MGAT4C: variants seen among roughly 807,000 people sequenced by gnomAD.
MGAT4C encodes the protein alpha-1,3-mannosyl-glycoprotein 4-beta-N-acetylglucosaminyltransferase C.
Under a neutral mutation model 40.1 loss-of-function variants are expected in MGAT4C, and 19 were observed. The ratio of observed to expected loss-of-function variants is 0.47; its 90% CI spans 0.33 to 0.70. The LOEUF (loss-of-function observed/expected upper bound fraction) is 0.70. Ranked by LOEUF, MGAT4C falls within the 30% of genes least tolerant of loss-of-function variation. MGAT4C has a pLI of 0.02. For synonymous variants in MGAT4C, 181 were observed against 187.1 expected (o/e 0.97, Z 0.27); for missense variants, 491 against 563.2 (o/e 0.87, Z 1.30).
At chr12:86,532,426 A>C (rs1959000788) in intron 2 of MGAT4C, among the ~76,000 whole-genome samples, 1 of 152,060 alleles carries the variant, frequency 6.6e-6, no homozygotes, top group South Asian at 2.1e-4. Context: ...GGTTTTTCTT[A>C]ATATAGAATA....
intron 1 of MGAT4C, among the ~76,000 whole-genome samples, chr12:86,820,903 T>C (rs562841080): frequency 3.2e-4 from 48 of 150,986 alleles, no homozygotes; most frequent in African/African-American, 1.1e-3. Context: ...TCAAATGTAG[T>C]TCCACCCTAT....
At chr12:86,080,749 G>A (rs901705042) in intron 1 of MGAT4C, among the ~76,000 whole-genome samples, 1 of 151,868 alleles carries the variant, frequency 6.6e-6, no homozygotes, top group Non-Finnish European at 1.5e-5. Flanking sequence ...AAAAAAGGAG[G>A]GACTTATTAA....
intron 1 of MGAT4C, among the ~76,000 whole-genome samples, chr12:86,255,113 T>G (rs1196283020): frequency 6.6e-6 from 1 of 152,086 alleles, no homozygotes; most frequent in Non-Finnish European, 1.5e-5. Flanking sequence ...ACATCAACAC[T>G]TGATGAACAA....
intron 1 of MGAT4C, among the ~76,000 whole-genome samples, chr12:86,740,336 C>T (rs1265723043): frequency 1.3e-5 from 2 of 150,808 alleles, no homozygotes; most frequent in African/African-American, 2.4e-5. Context: ...TTTTATAATG[C>T]TTTTTGCTTT....
chr12:86,706,600 G>A (rs896703979), intron 2 of MGAT4C, among the ~76,000 whole-genome samples: 1 of 151,960 alleles, frequency 6.6e-6, no homozygotes, highest in South Asian at 2.1e-4. Flanking sequence ...CCCATTTATA[G>A]TACATTCTTT....
chr12:85,979,278 G>T lies in MGAT4C; in HGVS notation c.*11C>A. 6.4e-7 allele frequency: 1 copy of T among 1,568,622 alleles called. No homozygotes were observed. Among genetic ancestry groups the T allele is most frequent in the South Asian group, 1.2e-5 (1 of 83,084 alleles). On this transcript the variant is annotated 3_prime_UTR_variant, in exon 5 of 5. Transcript: ENST00000611864. ...AACTGCTTCAGAAACTGAACATACT[G>T]ATTTAATTGGCTAAGAAGTCCAAAT... is the stretch of plus-strand genomic sequence containing the variant.
intron 3 of MGAT4C, among the ~76,000 whole-genome samples, chr12:86,408,465 C>CTCTCTT (rs1956521994): frequency 9.4e-6 from 1 of 106,672 alleles, no homozygotes; most frequent in South Asian, 3.3e-4. Context: ...CTCTCTCTCT[C>CTCTCTT]TCTCTCTCTC....
At chr12:86,044,746 T>C (rs1892220557) in intron 2 of MGAT4C, among the ~76,000 whole-genome samples, 1 of 152,082 alleles carries the variant, frequency 6.6e-6, no homozygotes, top group Non-Finnish European at 1.5e-5. Flanking sequence ...ATCCATCACT[T>C]GCACTGCAAG....
At chr12:86,312,868 C>T (rs1023765641) in intron 4 of MGAT4C, among the ~76,000 whole-genome samples, 3 of 152,132 alleles carry the variant, frequency 2.0e-5, no homozygotes, top group African/African-American at 2.4e-5. Context: ...GGGCTGAGTG[C>T]CCTGCAGTAG....
At chr12:86,169,590 T>C in intron 1 of MGAT4C, among the ~76,000 whole-genome samples, 1 of 152,198 alleles carries the variant, frequency 6.6e-6, no homozygotes, top group East Asian at 1.9e-4. Context: ...GGGTACTCCA[T>C]TGGTGTAGTT....
At chr12:86,834,540 G>C (rs1007853029) in intron 1 of MGAT4C, among the ~76,000 whole-genome samples, 2 of 151,446 alleles carry the variant, frequency 1.3e-5, no homozygotes, top group African/African-American at 4.8e-5. Context: ...ATAGTATTTT[G>C]TGACATTTTG....
intron 3 of MGAT4C, among the ~76,000 whole-genome samples, chr12:86,340,626 T>C (rs1482774222): frequency 6.6e-6 from 1 of 152,088 alleles, no homozygotes; most frequent in Non-Finnish European, 1.5e-5. Flanking sequence ...TTGGTTAAAC[T>C]GGCAAGCAGA....
At chr12:86,083,041 A>C (rs1871129187) in intron 1 of MGAT4C, among the ~76,000 whole-genome samples, 1 of 152,070 alleles carries the variant, frequency 6.6e-6, no homozygotes, top group Non-Finnish European at 1.5e-5. Flanking sequence ...TATCCTTCCC[A>C]AGCATCCTCT....
intron 2 of MGAT4C, among the ~76,000 whole-genome samples, chr12:86,041,138 AT>A (rs112222286): frequency 0.23 from 33,377 of 145,164 alleles, 4,325 homozygotes; most frequent in African/African-American, 0.37. Context: ...CATCTTGCCC[AT>A]TTTTTTTTTT....
At chr12:86,129,047 T>C (rs1880768115) in intron 1 of MGAT4C, among the ~76,000 whole-genome samples, 1 of 152,142 alleles carries the variant, frequency 6.6e-6, no homozygotes, top group African/African-American at 2.4e-5. Flanking sequence ...CATTCACCTC[T>C]GAGCAAGAGG....
intron 2 of MGAT4C, among the ~76,000 whole-genome samples, chr12:86,482,915 T>A (rs1004026727): frequency 7.9e-5 from 12 of 152,206 alleles, no homozygotes; most frequent in Non-Finnish European, 1.6e-4. Flanking sequence ...AATAACTGGG[T>A]TTAATGCTAA....
At chr12:86,288,643 C>T (rs1259344066) in intron 4 of MGAT4C, among the ~76,000 whole-genome samples, 1 of 151,646 alleles carries the variant, frequency 6.6e-6, no homozygotes, top group Admixed American at 6.6e-5. Flanking sequence ...GTTTGTCAAA[C>T]ATTTCCATTT....
intron 2 of MGAT4C, among the ~76,000 whole-genome samples, chr12:86,593,232 C>T (rs1593022581): frequency 6.7e-6 from 1 of 149,772 alleles, no homozygotes; most frequent in Admixed American, 6.8e-5. Context: ...GAGCAATGTC[C>T]CTTCTTTTAT....
At chr12:86,732,893 C>T (rs1366549929) in intron 1 of MGAT4C, among the ~76,000 whole-genome samples, 1 of 151,616 alleles carries the variant, frequency 6.6e-6, no homozygotes, top group Non-Finnish European at 1.5e-5. Flanking sequence ...AGGTGTTTCT[C>T]CCAGTAACAG....
Sources: gnomAD v4.1 joint callset for allele counts (sites outside exome capture counted in the v4.1 genomes callset) on GRCh38, gnomAD v4.1.1 for gene constraint, MANE v1.5 for transcripts, NCBI Gene and HGNC (gene_info 2026-07-23, HGNC 2026-07-21) for gene names.